Variants in DLGAP2 observed in about 807,000 individuals in gnomAD.
DLGAP2 encodes the protein disks large-associated protein 2.
Under a neutral mutation model 100.3 loss-of-function variants are expected in DLGAP2, and 26 were observed. The ratio of observed to expected loss-of-function variants is 0.26; its 90% CI spans 0.19 to 0.36. The LOEUF (loss-of-function observed/expected upper bound fraction) is 0.36. Among genes scored for constraint, DLGAP2 ranks in the 10% least tolerant of loss-of-function variants. The pLI is 1.00. For missense variants in DLGAP2, 1,858 were observed against 1,453.2 expected, an observed-to-expected ratio of 1.28 and a Z score of -4.53; for synonymous variants, 886 against 630.1, an observed-to-expected ratio of 1.41 and a Z score of -6.08.
intron 2 of DLGAP2, among the ~76,000 whole-genome samples, chr8:1,087,598 G>C (rs1484391171): frequency 6.7e-6 from 1 of 148,872 alleles, no homozygotes; most frequent in Non-Finnish European, 1.5e-5. Context: ...TCATCTTCTA[G>C]GCTGTCTCCT....
intron 1 of DLGAP2, among the ~76,000 whole-genome samples, chr8:749,597 T>G (rs1481212257): frequency 1.3e-5 from 2 of 152,228 alleles, no homozygotes; most frequent in African/African-American, 4.8e-5. Context: ...GACATTTCAG[T>G]TACTTACAAA....
At chr8:1,186,351 A>G (rs1479899372) in intron 2 of DLGAP2, among the ~76,000 whole-genome samples, 4 of 152,216 alleles carry the variant, frequency 2.6e-5, no homozygotes, top group Non-Finnish European at 5.9e-5. Context: ...TCTAACCAGC[A>G]TCGACATAGA....
chr8:771,460 G>A lies in DLGAP2; in HGVS notation c.18+33635G>A, dbSNP rs368081877. Among the ~76,000 whole-genome samples, 370 of 152,084 alleles carry A rather than the reference G, an allele frequency of 2.4e-3. 2 individuals carry two copies. Among genetic ancestry groups the A allele is most frequent in the South Asian group, 0.018 (88 of 4,802 alleles). ...TTTATCCTCTTTATCCAAAATCCTGGGCCTGCACTAGCCGGGTCTAAGGCA... is the reference window on the plus strand; with the variant it reads ...TTTATCCTCTTTATCCAAAATCCTGAGCCTGCACTAGCCGGGTCTAAGGCA... On this transcript the variant is annotated intron_variant, in intron 1 of 14. Coordinates refer to ENST00000637795, the MANE Select transcript of DLGAP2 (RefSeq NM_001346810.2).
chr8:885,587 C>G (rs541748444), intron 1 of DLGAP2, among the ~76,000 whole-genome samples: 2 of 152,230 alleles, frequency 1.3e-5, no homozygotes, highest in Admixed American at 1.3e-4. Flanking sequence ...ACTTGACTTC[C>G]TCTCTTCCTA....
At chr8:1,544,969 G>A (rs1801485023) in intron 4 of DLGAP2, among the ~76,000 whole-genome samples, 1 of 152,120 alleles carries the variant, frequency 6.6e-6, no homozygotes, top group Admixed American at 6.5e-5. Context: ...TTGACCTTGT[G>A]ATTCACCCAT....
chr8:1,362,925 C>T (rs2129666036), intron 3 of DLGAP2, among the ~76,000 whole-genome samples: 1 of 152,296 alleles, frequency 6.6e-6, no homozygotes, highest in African/African-American at 2.4e-5. Context: ...GTCTGTCCTG[C>T]TGGCTTTCTT....
At chr8:891,419 G>A (rs139987156) in intron 1 of DLGAP2, 2 of 152,512 alleles carry the variant, frequency 1.3e-5, no homozygotes, top group East Asian at 1.9e-4. Flanking sequence ...CATGGCAGAC[G>A]AGGGGATGCG....
chr8:1,493,301 C>G (rs988849388), intron 3 of DLGAP2, among the ~76,000 whole-genome samples: 1 of 151,998 alleles, frequency 6.6e-6, no homozygotes, highest in Admixed American at 6.6e-5. Flanking sequence ...AGGGCACAGA[C>G]GGCTGCCTCC....
intron 1 of DLGAP2, among the ~76,000 whole-genome samples, chr8:860,836 C>G (rs1314612330): frequency 6.6e-6 from 1 of 152,128 alleles, no homozygotes; most frequent in Non-Finnish European, 1.5e-5. Context: ...GCAGACAAAT[C>G]ATGCCGTAAT....
At chr8:1,184,706 AG>A in intron 2 of DLGAP2, among the ~76,000 whole-genome samples, 1 of 152,184 alleles carries the variant, frequency 6.6e-6, no homozygotes, top group South Asian at 2.1e-4. Context: ...GAGCAGGAGG[AG>A]GCTCAGGGCA....
chr8:945,785 C>T (rs1328444013), intron 2 of DLGAP2, among the ~76,000 whole-genome samples: 1 of 152,078 alleles, frequency 6.6e-6, no homozygotes, highest in Non-Finnish European at 1.5e-5. Flanking sequence ...CTCTCTCACT[C>T]TCTCCCTCTC....
At chr8:1,524,219 T>A (rs1015151745) in intron 4 of DLGAP2, among the ~76,000 whole-genome samples, 1 of 152,028 alleles carries the variant, frequency 6.6e-6, no homozygotes, top group African/African-American at 2.4e-5. Context: ...CCAGAGCCCA[T>A]CTGAGAGGCC....
At chr8:1,104,174 A>C (rs541098367) in intron 2 of DLGAP2, among the ~76,000 whole-genome samples, 1 of 152,318 alleles carries the variant, frequency 6.6e-6, no homozygotes, top group East Asian at 1.9e-4. Context: ...TGGATGATTC[A>C]GGAGCAAGAA....
intron 2 of DLGAP2, among the ~76,000 whole-genome samples, chr8:1,085,767 A>T (rs1226497356): frequency 1.3e-5 from 2 of 152,222 alleles, no homozygotes; most frequent in Non-Finnish European, 2.9e-5. Context: ...TTGTGGTTCC[A>T]TATGAGTTTT....
intron 2 of DLGAP2, among the ~76,000 whole-genome samples, chr8:1,021,320 A>T (rs1283739148): frequency 6.6e-6 from 1 of 152,202 alleles, no homozygotes; most frequent in Admixed American, 6.5e-5. Flanking sequence ...GAAAGTGCTC[A>T]GAGAGAACAA....
chr8:1,360,258 TTCTCC>T (rs1563104670), intron 3 of DLGAP2, among the ~76,000 whole-genome samples: 229 of 131,856 alleles, frequency 1.7e-3, no homozygotes, highest in African/African-American at 6.0e-3. Flanking sequence ...GGGGCGGGGC[TTCTCC>T]GGGGCGGGGC....
chr8:1,342,346 C>T (rs890078700), intron 3 of DLGAP2, among the ~76,000 whole-genome samples: 2 of 152,120 alleles, frequency 1.3e-5, no homozygotes, highest in Non-Finnish European at 2.9e-5. Context: ...TTGCTGGGTC[C>T]CACAGATGAT....
chr8:1,491,603 T>C, intron 3 of DLGAP2, among the ~76,000 whole-genome samples: 1 of 152,224 alleles, frequency 6.6e-6, no homozygotes, highest in South Asian at 2.1e-4. Context: ...GTATAGATGG[T>C]AGTGCAGGGG....
chr8:1,691,513 T>A (rs745733453), intron 12 of DLGAP2, 22 bp from the exon 13 acceptor site: 2 of 1,601,370 alleles, frequency 1.2e-6, no homozygotes, highest in African/African-American at 1.4e-5. Flanking sequence ...TGTTTTTTTG[T>A]TTTTGTTTTT....
Sources: allele counts gnomAD v4.1 joint callset (sites outside exome capture counted in the v4.1 genomes callset), GRCh38; gene constraint gnomAD v4.1.1; transcripts MANE v1.5; gene names NCBI Gene and HGNC (gene_info 2026-07-23, HGNC 2026-07-21).